KIAA1217: variants seen among roughly 807,000 people sequenced by gnomAD.
KIAA1217 encodes sickle tail protein homolog.
KIAA1217 carries 88 observed loss-of-function variants against 163.9 expected under a neutral mutation model. The observed-to-expected ratio is 0.54, with a 90% confidence interval of 0.45 to 0.64. The LOEUF is 0.64. Ranked by LOEUF, KIAA1217 falls within the 30% of genes least tolerant of loss-of-function variation. The pLI is 0.00. For missense variants in KIAA1217, 2,372 were observed against 2,475.0 expected, an observed-to-expected ratio of 0.96 and a Z score of 0.88; for synonymous variants, 903 against 923.1, an observed-to-expected ratio of 0.98 and a Z score of 0.39.
chr10:24,402,372 A>G (rs530547196), intron 3 of KIAA1217, among the ~76,000 whole-genome samples: 25 of 151,924 alleles, frequency 1.6e-4, no homozygotes, highest in African/African-American at 5.5e-4. Flanking sequence ...AGCCGGGCGT[A>G]TTGGTGGGCG....
chr10:23,995,450 C>CTCTGTGTGTGTGTGTGTGTGTGTGTGTG (rs980015208), intron 1 of KIAA1217, among the ~76,000 whole-genome samples: 3 of 147,724 alleles, frequency 2.0e-5, no homozygotes, highest in African/African-American at 5.0e-5. Context: ...CAATTATGGC[C>CTCTGTGTGTGTGTGTGTGTGTGTGTGTG]TGTGTGTGTG....
At chr10:24,186,835 G>A (rs547835391) in intron 2 of KIAA1217, among the ~76,000 whole-genome samples, 207 of 152,170 alleles carry the variant, frequency 1.4e-3, no homozygotes, top group East Asian at 6.0e-3. Flanking sequence ...GGCTGCAGTG[G>A]GCCAAGACGG....
intron 2 of KIAA1217, among the ~76,000 whole-genome samples, chr10:24,268,487 T>C (rs2076449605): frequency 1.3e-5 from 2 of 150,836 alleles, no homozygotes; most frequent in Admixed American, 1.3e-4. Flanking sequence ...ATCAGAGAAA[T>C]GCAAATCAAA....
intron 2 of KIAA1217, among the ~76,000 whole-genome samples, chr10:24,317,213 T>A (rs1470624371): frequency 1.3e-5 from 2 of 152,218 alleles, no homozygotes; most frequent in Admixed American, 6.5e-5. Flanking sequence ...TATCTAGTGC[T>A]GATACATAAA....
chr10:24,158,424 C>T, intron 2 of KIAA1217: 1 of 581,080 alleles, frequency 1.7e-6, no homozygotes, highest in Non-Finnish European at 3.4e-6. Flanking sequence ...ATGGGAATAT[C>T]TTAAAACACA....
intron 1 of KIAA1217, among the ~76,000 whole-genome samples, chr10:23,736,424 A>G (rs1021715392): frequency 6.6e-6 from 1 of 152,132 alleles, no homozygotes; most frequent in African/African-American, 2.4e-5. Context: ...GTTTTCCTGT[A>G]TGAGAGACTC....
At chr10:23,718,171 A>G (rs929572317) in intron 1 of KIAA1217, among the ~76,000 whole-genome samples, 2 of 152,138 alleles carry the variant, frequency 1.3e-5, no homozygotes, top group Admixed American at 1.3e-4. Flanking sequence ...TTACCTTTGC[A>G]CCAACCTAAT....
chr10:24,459,069 C>G (rs1275310725), intron 5 of KIAA1217, among the ~76,000 whole-genome samples: 1 of 152,044 alleles, frequency 6.6e-6, no homozygotes, highest in Non-Finnish European at 1.5e-5. Flanking sequence ...ATCTGATTTA[C>G]TAAACTCTCC....
chr10:24,449,661 T>G lies in KIAA1217; in HGVS notation c.846+11182T>G, dbSNP rs1000525159. On this transcript the variant is annotated intron_variant, in intron 5 of 20. Coordinates refer to ENST00000376454, the MANE Select transcript of KIAA1217 (RefSeq NM_019590.5). ...ACCCAAGGCTTGCATTTAGTCACCA[T>G]GAAGACAGGCAAAGCTGAAAGCATT... is the stretch of plus-strand genomic sequence containing the variant. 3.0e-6 allele frequency: 3 copies of G among 985,316 alleles called. No homozygotes were observed. The African/African-American group carries it at 5.2e-5, about 17-fold the overall frequency. The allele number at this position is 985,316 out of a possible 1,614,324, so 61.0% of individuals were successfully genotyped here.
rs1354847195 is a variant in KIAA1217, at chr10:24,093,816, A to G, written c.-171+86442A>G. On this transcript the variant is annotated intron_variant, in intron 2 of 18. Coordinates refer to the KIAA1217 transcript ENST00000376462. ...CCCTCCCCCCTCCCCCCACCCCACA[A>G]CAGTCCCCAGAGTGTGATGTTCCCC... 6.8e-5 allele frequency among the ~76,000 whole-genome samples: 7 copies of G among 103,360 alleles called. No individual in the cohort carries two copies. In the South Asian group the frequency reaches 1.1e-3, roughly 16 times the overall value. 67.8% of individuals were successfully genotyped at this position (103,360 alleles called of 152,430 possible). A position where few individuals can be genotyped will look rare whatever the true frequency, so the allele number is the denominator to read the frequency against.
intron 2 of KIAA1217, among the ~76,000 whole-genome samples, chr10:24,359,817 T>A (rs1258232694): frequency 1.3e-5 from 2 of 152,154 alleles, no homozygotes; most frequent in Non-Finnish European, 2.9e-5. Flanking sequence ...TGAGGCTTTA[T>A]ATTTTATTAT....
intron 1 of KIAA1217, among the ~76,000 whole-genome samples, chr10:23,751,965 AG>A (rs1351248247): frequency 6.6e-6 from 1 of 152,206 alleles, no homozygotes; most frequent in Non-Finnish European, 1.5e-5. Context: ...GGCAAAAAGT[AG>A]GTGGGTATGT....
At chr10:24,158,257 C>A in intron 2 of KIAA1217, 1 of 721,354 alleles carries the variant, frequency 1.4e-6, no homozygotes, top group Non-Finnish European at 2.6e-6. Context: ...AAATGTCGGT[C>A]AGTCATGAAA....
chr10:24,337,650 C>CTTTTTT (rs747582449), intron 2 of KIAA1217, among the ~76,000 whole-genome samples: 1 of 40,884 alleles, frequency 2.4e-5, no homozygotes, highest in South Asian at 6.5e-4. Context: ...CTTTTCTTTT[C>CTTTTTT]TTTTTTTTTT....
intron 1 of KIAA1217, among the ~76,000 whole-genome samples, chr10:23,917,093 G>A (rs371539181): frequency 1.3e-5 from 2 of 149,570 alleles, no homozygotes; most frequent in South Asian, 2.1e-4. Context: ...GTTGGACTAC[G>A]CCAACATTTT....
chr10:23,811,071 A>G (rs1236785555), intron 1 of KIAA1217, among the ~76,000 whole-genome samples: 1 of 126,930 alleles, frequency 7.9e-6, no homozygotes, highest in Non-Finnish European at 1.6e-5. Context: ...ATCTCTATAT[A>G]TAATACATAG....
At chr10:23,858,615 C>T (rs1317688620) in intron 1 of KIAA1217, among the ~76,000 whole-genome samples, 3 of 151,994 alleles carry the variant, frequency 2.0e-5, no homozygotes, top group African/African-American at 7.2e-5. Flanking sequence ...AAAAATGATT[C>T]TGTTAGTATA....
chr10:24,121,875 ATTAT>A (rs2063293847), intron 2 of KIAA1217, among the ~76,000 whole-genome samples: 1 of 152,076 alleles, frequency 6.6e-6, no homozygotes. Flanking sequence ...ATACTCAATG[ATTAT>A]TTACTGAATA....
intron 2 of KIAA1217, among the ~76,000 whole-genome samples, chr10:24,178,415 A>C (rs1326641): frequency 0.33 from 50,572 of 152,170 alleles, 8,538 homozygotes; most frequent in Middle Eastern, 0.4. Context: ...TGGCTTAAAC[A>C]TGGTGAAACC....
Sources: allele counts gnomAD v4.1 joint callset (sites outside exome capture counted in the v4.1 genomes callset), GRCh38; gene constraint gnomAD v4.1.1; transcripts MANE v1.5; gene names NCBI Gene and HGNC (gene_info 2026-07-23, HGNC 2026-07-21).